The following BACH2 variants were observed in gnomAD, a reference collection of about 807,000 sequenced individuals.
The protein encoded by BACH2 is BACH transcriptional regulator 2.
BACH2 carries 5 observed loss-of-function variants against 61.8 expected under a neutral mutation model. That is an observed-to-expected ratio of 0.08 (90% CI 0.04 to 0.17). The LOEUF is 0.17. Ranked by LOEUF, BACH2 falls within the 10% of genes least tolerant of loss-of-function variation. BACH2 has a pLI of 1.00. For synonymous variants in BACH2, 446 were observed against 440.1 expected, an observed-to-expected ratio of 1.01 and a Z score of -0.17; for missense variants, 824 against 1,091.1, an observed-to-expected ratio of 0.76 and a Z score of 3.45.
intron 4 of BACH2, among the ~76,000 whole-genome samples, chr6:90,120,624 C>T (rs1189146000): frequency 6.6e-6 from 1 of 152,190 alleles, no homozygotes; most frequent in Non-Finnish European, 1.5e-5. Context: ...CATCTGAAAG[C>T]TACCTGCTTT....
At chr6:89,970,296 C>T (rs759524026) in intron 6 of BACH2, among the ~76,000 whole-genome samples, 10 of 152,184 alleles carry the variant, frequency 6.6e-5, no homozygotes, top group Admixed American at 2.0e-4. Context: ...CGAAGTGAAG[C>T]GCCGCCGACA....
At chr6:90,217,936 T>C (rs1193495592) in intron 3 of BACH2, 5 of 152,210 alleles carry the variant, frequency 3.3e-5, no homozygotes, top group Non-Finnish European at 7.3e-5. Context: ...TGCTCAATCC[T>C]TCTTGAGCAA....
intron 5 of BACH2, among the ~76,000 whole-genome samples, chr6:90,053,558 T>C (rs946229675): frequency 2.6e-5 from 4 of 152,188 alleles, no homozygotes; most frequent in Admixed American, 2.6e-4. Context: ...GGATTACAGG[T>C]GTGTGTCACC....
At chr6:90,095,586 T>A (rs1334266290) in intron 4 of BACH2, among the ~76,000 whole-genome samples, 1 of 152,144 alleles carries the variant, frequency 6.6e-6, no homozygotes, top group Non-Finnish European at 1.5e-5. Flanking sequence ...GATTTTCACT[T>A]CTATCATAAA....
intron 4 of BACH2, among the ~76,000 whole-genome samples, chr6:90,175,276 T>C (rs1337618687): frequency 2.0e-5 from 3 of 152,168 alleles, no homozygotes; most frequent in African/African-American, 7.2e-5. Context: ...TTATTTTTTC[T>C]TATTCCTTAT....
chr6:90,227,963 T>G (rs2127858914), intron 3 of BACH2, among the ~76,000 whole-genome samples: 1 of 152,306 alleles, frequency 6.6e-6, no homozygotes, highest in Non-Finnish European at 1.5e-5. Context: ...AACACTCCAT[T>G]TGCCATCCCC....
At chr6:90,275,119 G>A (rs1237589638) in intron 1 of BACH2, among the ~76,000 whole-genome samples, 1 of 152,236 alleles carries the variant, frequency 6.6e-6, no homozygotes, top group African/African-American at 2.4e-5. Flanking sequence ...GTTTGGAGCA[G>A]TGTCATTTGA....
intron 4 of BACH2, among the ~76,000 whole-genome samples, chr6:90,178,334 A>T (rs1768046462): frequency 6.6e-6 from 1 of 152,160 alleles, no homozygotes; most frequent in Non-Finnish European, 1.5e-5. Flanking sequence ...TCCCTCACTC[A>T]GACATCAGAT....
intron 4 of BACH2, among the ~76,000 whole-genome samples, chr6:90,144,607 CACT>C (rs985050010): frequency 2.6e-5 from 4 of 152,198 alleles, no homozygotes; most frequent in Non-Finnish European, 5.9e-5. Flanking sequence ...TCAGGAACAC[CACT>C]GTTTCAGAAT....
intron 6 of BACH2, among the ~76,000 whole-genome samples, chr6:90,004,301 G>A (rs895845595): frequency 6.6e-6 from 1 of 152,170 alleles, no homozygotes; most frequent in African/African-American, 2.4e-5. Context: ...AATGTTGAGT[G>A]AGAGAGAGAA....
intron 6 of BACH2, among the ~76,000 whole-genome samples, chr6:89,986,658 G>A (rs1276249947): frequency 6.6e-6 from 1 of 152,130 alleles, no homozygotes; most frequent in African/African-American, 2.4e-5. Context: ...TGCTCTTGGT[G>A]AGTAAAACAA....
At chr6:90,099,827 GTTTT>G (rs1241681453) in intron 4 of BACH2, among the ~76,000 whole-genome samples, 6 of 142,226 alleles carry the variant, frequency 4.2e-5, no homozygotes, top group Non-Finnish European at 6.5e-5. Flanking sequence ...ACAATTCAAT[GTTTT>G]TTAGTATATT....
intron 5 of BACH2, among the ~76,000 whole-genome samples, chr6:90,055,318 T>C (rs915664802): frequency 6.6e-6 from 1 of 152,156 alleles, no homozygotes; most frequent in African/African-American, 2.4e-5. Flanking sequence ...GAGAGCTACA[T>C]GTCGAATGCA....
intron 4 of BACH2, among the ~76,000 whole-genome samples, chr6:90,184,109 C>A (rs1294976626): frequency 6.6e-6 from 1 of 152,142 alleles, no homozygotes; most frequent in Non-Finnish European, 1.5e-5. Context: ...TTATGTGAAA[C>A]CAAGTACCCT....
rs1415730778 is a variant in BACH2, at chr6:90,054,787, C to T, written c.-13+34174G>A. Among the ~76,000 whole-genome samples, 5 of 152,186 alleles carry T rather than the reference C, an allele frequency of 3.3e-5. No homozygotes were observed. In the South Asian group the frequency reaches 6.2e-4, roughly 19 times the overall value. ...CTCTGAGACAAAACTTCCAGAGGAA[C>T]CATCAGGCAGCAGCATCTGTGGTTC... is the stretch of plus-strand genomic sequence containing the variant. On this transcript the variant is annotated intron_variant, in intron 5 of 8. Coordinates refer to ENST00000257749, the MANE Select transcript of BACH2 (RefSeq NM_021813.4).
At chr6:90,093,553 C>A (rs1350434559) in intron 4 of BACH2, among the ~76,000 whole-genome samples, 1 of 152,136 alleles carries the variant, frequency 6.6e-6, no homozygotes, top group Non-Finnish European at 1.5e-5. Flanking sequence ...TAACTTTAGT[C>A]AATTTAAATC....
intron 4 of BACH2, among the ~76,000 whole-genome samples, chr6:90,140,366 T>C (rs1029522580): frequency 3.3e-5 from 5 of 152,090 alleles, no homozygotes; most frequent in African/African-American, 1.2e-4. Context: ...AGCTTCCTTA[T>C]CTTCTGAGGC....
intron 4 of BACH2, among the ~76,000 whole-genome samples, chr6:90,174,787 G>A (rs1336361941): frequency 1.3e-5 from 2 of 152,002 alleles, no homozygotes; most frequent in African/African-American, 2.4e-5. Flanking sequence ...TCAGAACATT[G>A]TGTTTTGTGG....
intron 5 of BACH2, among the ~76,000 whole-genome samples, chr6:90,057,939 C>T (rs1780458738): frequency 6.6e-6 from 1 of 152,162 alleles, no homozygotes; most frequent in Non-Finnish European, 1.5e-5. Flanking sequence ...ATGCTAAAAA[C>T]TCTCAATAAA....
Sources: allele counts gnomAD v4.1 joint callset (sites outside exome capture counted in the v4.1 genomes callset), GRCh38; gene constraint gnomAD v4.1.1; transcripts MANE v1.5; gene names NCBI Gene and HGNC (gene_info 2026-07-23, HGNC 2026-07-21).